Variants in MYH11 observed in about 807,000 individuals in gnomAD.
MYH11 encodes the protein myosin heavy chain 11, also known as myosin-11.
MYH11 carries 80 observed loss-of-function variants against 246.6 expected under a neutral mutation model. That is an observed-to-expected ratio of 0.32 (90% CI 0.27 to 0.39). The LOEUF (loss-of-function observed/expected upper bound fraction) is 0.39. MYH11 is among the 10% of genes least tolerant of loss of function. The pLI is 1.00. For synonymous variants in MYH11, 1,071 were observed against 1,015.5 expected (o/e 1.05, Z -1.04); for missense variants, 2,158 against 2,546.8 (o/e 0.85, Z 3.29).
At chr16:15,763,760 C>T in intron 10 of MYH11, 36 bp downstream of exon 10, 1 of 1,192,092 alleles carries the variant, frequency 8.4e-7, no homozygotes, top group Non-Finnish European at 1.3e-6. Context: ...CCCCCAACCC[C>T]AAAGTCATTG....
chr16:15,789,725 G>A (rs1389085055), intron 4 of MYH11, among the ~76,000 whole-genome samples: 1 of 152,188 alleles, frequency 6.6e-6, no homozygotes, highest in Non-Finnish European at 1.5e-5. Flanking sequence ...GCTAACGTCA[G>A]AACCTTGCTT....
intron 3 of MYH11, among the ~76,000 whole-genome samples, chr16:15,806,401 G>A (rs998040236): frequency 6.8e-6 from 1 of 147,790 alleles, no homozygotes; most frequent in African/African-American, 2.5e-5. Context: ...AAGTAGATTT[G>A]TGAATTCGTG....
At chr16:15,751,147 A>ATT (rs990413131) in intron 15 of MYH11, among the ~76,000 whole-genome samples, 1 of 148,390 alleles carries the variant, frequency 6.7e-6, no homozygotes, top group Non-Finnish European at 1.5e-5. Context: ...TATTATTATT[A>ATT]TTATTATTAT....
intron 9 of MYH11, 53 bp downstream of exon 9, chr16:15,771,516 G>A (rs987157246): frequency 1.9e-6 from 3 of 1,600,094 alleles, no homozygotes; most frequent in Middle Eastern, 2.1e-4. Context: ...TTCTTAACAG[G>A]TTCCACTGGT....
chr16:15,786,345 G>A (rs929893465), intron 5 of MYH11: 2 of 551,590 alleles, frequency 3.6e-6, no homozygotes, highest in Non-Finnish European at 3.4e-6. Flanking sequence ...TGCCACCACT[G>A]AGAAGCCCCG....
intron 11 of MYH11, among the ~76,000 whole-genome samples, chr16:15,760,147 T>C (rs1004264157): frequency 6.6e-6 from 1 of 151,998 alleles, no homozygotes; most frequent in African/African-American, 2.4e-5. Flanking sequence ...ACTGTGAATA[T>C]TCTAGTATTG....
rs111365371 is a variant in MYH11, at chr16:15,742,311, C to A, written c.2521-420G>T. On this transcript the variant is annotated intron_variant, in intron 20 of 40. Coordinates refer to ENST00000300036, the MANE Select transcript of MYH11 (RefSeq NM_002474.3). ...CAAGGACAAAAGGGAGAAAAAAAAT[C>A]TTTCATATCCCACCCACCTCCCTAT... is the stretch of plus-strand genomic sequence containing the variant. 1.3e-3 allele frequency: 334 copies of A among 259,120 alleles called. 5 individuals are homozygous for A. The highest frequency in any genetic ancestry group is 7.0e-3 in the Middle Eastern group (5 of 718). The allele number at this position is 259,120 out of a possible 1,614,324, so 16.1% of individuals were successfully genotyped here.
intron 3 of MYH11, among the ~76,000 whole-genome samples, chr16:15,821,393 T>A (rs950957777): frequency 1.3e-5 from 2 of 152,218 alleles, no homozygotes; most frequent in South Asian, 4.1e-4. Context: ...GAGTTTTGGA[T>A]GATAGAATCA....
chr16:15,707,017 C>G (rs773587581), intron 40 of MYH11, among the ~76,000 whole-genome samples: 3 of 152,094 alleles, frequency 2.0e-5, no homozygotes, highest in Non-Finnish European at 4.4e-5. Flanking sequence ...TAAAGGTTTT[C>G]TTAAAGGGTC....
At chr16:15,768,641 C>A (rs1260731997) in intron 9 of MYH11, among the ~76,000 whole-genome samples, 1 of 152,176 alleles carries the variant, frequency 6.6e-6, no homozygotes, top group African/African-American at 2.4e-5. Flanking sequence ...AATTTACTTC[C>A]TTCTCTTTCC....
At chr16:15,712,083 G>T (rs1218842381) in intron 40 of MYH11, among the ~76,000 whole-genome samples, 1 of 152,192 alleles carries the variant, frequency 6.6e-6, no homozygotes, top group African/African-American at 2.4e-5. Context: ...AGGACCACGA[G>T]GTTTGTGATG....
chr16:15,765,208 A>G (rs1327465461), intron 9 of MYH11, among the ~76,000 whole-genome samples: 1 of 147,828 alleles, frequency 6.8e-6, no homozygotes, highest in African/African-American at 2.4e-5. Flanking sequence ...GGACGGATGG[A>G]TGGATGGGTG....
At chr16:15,719,851 C>T (rs2040373406) in intron 34 of MYH11, 138 bp from the exon 35 acceptor site, 3 of 1,305,554 alleles carry the variant, frequency 2.3e-6, no homozygotes, top group Middle Eastern at 2.6e-4. Flanking sequence ...GAGCATGGCT[C>T]TCAGTTCCAG....
chr16:15,717,009 C>T (rs1023285989), intron 38 of MYH11, 131 bp downstream of exon 38: 4 of 991,090 alleles, frequency 4.0e-6, no homozygotes, highest in Non-Finnish European at 4.8e-6. Context: ...AACATACCTG[C>T]ACTGTAGGCA....
intron 11 of MYH11, 81 bp from the exon 12 acceptor site, chr16:15,759,809 T>A: frequency 6.4e-7 from 1 of 1,562,738 alleles, no homozygotes; most frequent in South Asian, 1.1e-5. Context: ...TGAAGATTTT[T>A]ATTCTTGGCC....
In MYH11 at chr16:15,721,535, C is replaced by T; in HGVS notation, c.4465G>A (p.Ala1489Thr). The T allele has an allele frequency of 1.2e-6, 2 of 1,614,216 alleles. No homozygotes were observed. Among genetic ancestry groups the T allele is most frequent in the Non-Finnish European group, 1.7e-6 (2 of 1,180,038 alleles). Residue 1489 changes from alanine to threonine, a missense_variant, in exon 32 of 41, where the codon GCT becomes ACT. Coordinates refer to ENST00000300036, the MANE Select transcript of MYH11 (RefSeq NM_002474.3). ...REKETKALSL[A>T]RALEEALEAK... is the part of the protein sequence containing the mutation. ...TCCAAGGCCTCTTCAAGGGCCCGAG[C>T]CAGGGACAGGGCCTTGGTTTCCTTC...
At position 15,836,216 on chromosome 16, in the gene MYH11, C is replaced by A. The variant is rs149139079; in HGVS notation, c.345+1692G>T. Among the ~76,000 whole-genome samples the A allele has an allele frequency of 3.2e-3, 490 of 152,180 alleles. 1 individual carries two copies. The highest frequency in any genetic ancestry group is 0.011 in the African/African-American group (464 of 41,524). ...CATCAGTCTGGCGACCCGTGCCCCA[C>A]AACATCACACTCCAAGCCCCAATCA... On this transcript the variant is annotated intron_variant, in intron 2 of 40. Transcript: ENST00000300036.
intron 5 of MYH11, chr16:15,783,536 T>G (rs1364229232): frequency 6.6e-6 from 1 of 152,196 alleles, no homozygotes; most frequent in Non-Finnish European, 1.5e-5. Flanking sequence ...CAGAGAAAGA[T>G]GAAGCAAAAG....
intron 3 of MYH11, among the ~76,000 whole-genome samples, chr16:15,819,435 C>T (rs1173532494): frequency 1.3e-5 from 2 of 152,188 alleles, no homozygotes; most frequent in Non-Finnish European, 2.9e-5. Context: ...CTCCCTATCA[C>T]TCCAATTACT....
Sources: allele counts gnomAD v4.1 joint callset (sites outside exome capture counted in the v4.1 genomes callset), GRCh38; gene constraint gnomAD v4.1.1; transcripts MANE v1.5; gene names NCBI Gene and HGNC (gene_info 2026-07-23, HGNC 2026-07-21).